The following GPHN variants were observed in gnomAD, a reference collection of about 807,000 sequenced individuals.
GPHN encodes the protein gephyrin.
A neutral mutation model predicts 95.5 loss-of-function variants in GPHN; 17 were observed. The ratio of observed to expected loss-of-function variants is 0.18; its 90% CI spans 0.12 to 0.27. The LOEUF is 0.27. GPHN is among the 10% of genes least tolerant of loss of function. GPHN has a pLI of 1.00. For missense variants in GPHN, 660 were observed against 978.1 expected (o/e 0.67, Z 4.34); for synonymous variants, 320 against 322.5 (o/e 0.99, Z 0.08).
intron 11 of GPHN, among the ~76,000 whole-genome samples, chr14:67,062,219 G>A (rs548788393): frequency 5.3e-5 from 8 of 152,222 alleles, no homozygotes; most frequent in South Asian, 4.2e-4. Context: ...GTGTATTTGC[G>A]TTTTAATGAG....
chr14:67,687,748 A>C, the GPHN span, among the ~76,000 whole-genome samples: 4 of 146,512 alleles, frequency 2.7e-5, no homozygotes, highest in Non-Finnish European at 6.0e-5. Flanking sequence ...TGGGATTACA[A>C]GCATGAGCCA....
At chr14:67,424,143 G>A in the GPHN span, among the ~76,000 whole-genome samples, 2 of 152,126 alleles carry the variant, frequency 1.3e-5, no homozygotes, top group Non-Finnish European at 2.9e-5. Context: ...AGGAGGCTGA[G>A]GCAGGAGAAT....
chr14:66,798,814 A>G (rs922877761), intron 3 of GPHN, among the ~76,000 whole-genome samples: 2 of 146,220 alleles, frequency 1.4e-5, no homozygotes, highest in African/African-American at 5.0e-5. Context: ...TTCCAATTTG[A>G]TTTCTTTCTC....
chr14:66,612,190 T>C (rs2062812477), intron 1 of GPHN, among the ~76,000 whole-genome samples: 1 of 152,070 alleles, frequency 6.6e-6, no homozygotes, highest in Middle Eastern at 3.2e-3. Context: ...GACTTTTCCA[T>C]GAAGGCCTTC....
chr14:67,462,134 G>T, the GPHN span, among the ~76,000 whole-genome samples: 1 of 152,204 alleles, frequency 6.6e-6, no homozygotes, highest in Non-Finnish European at 1.5e-5. Context: ...GTAGGGGTTA[G>T]ATGAGAGATA....
At chr14:67,079,252 CAT>C (rs1251897245) in intron 11 of GPHN, among the ~76,000 whole-genome samples, 1 of 152,024 alleles carries the variant, frequency 6.6e-6, no homozygotes, top group Non-Finnish European at 1.5e-5. Flanking sequence ...TATATTCAGA[CAT>C]GTGTAGCCAT....
chr14:67,592,812 G>C, the GPHN span: 29 of 808,580 alleles, frequency 3.6e-5, 1 homozygote, highest in South Asian at 4.5e-4. Context: ...TTGAGACAGA[G>C]TCTCTCTCTG....
chr14:67,468,906 TAATAA>T, the GPHN span, among the ~76,000 whole-genome samples: 1 of 151,152 alleles, frequency 6.6e-6, no homozygotes, highest in African/African-American at 2.4e-5. Flanking sequence ...AAAATAATAA[TAATAA>T]TTTTTTTTAA....
At chr14:67,686,142 A>G in the GPHN span, 1 of 152,160 alleles carries the variant, frequency 6.6e-6, no homozygotes, top group Non-Finnish European at 1.5e-5. Flanking sequence ...AGTCAACACA[A>G]TGTGGTGGTT....
chr14:66,748,333 G>A (rs2058237288), intron 2 of GPHN, among the ~76,000 whole-genome samples: 1 of 151,902 alleles, frequency 6.6e-6, no homozygotes, highest in Non-Finnish European at 1.5e-5. Context: ...ATGTTTGTTG[G>A]AATTCACAGC....
chr14:66,693,156 A>G (rs2067890016), intron 2 of GPHN, among the ~76,000 whole-genome samples: 1 of 152,106 alleles, frequency 6.6e-6, no homozygotes, highest in Admixed American at 6.5e-5. Flanking sequence ...AATCTCTATA[A>G]TCTCTGGCTT....
chr14:67,155,109 T>A (rs1305840961), intron 18 of GPHN, among the ~76,000 whole-genome samples: 1 of 152,006 alleles, frequency 6.6e-6, no homozygotes, highest in Non-Finnish European at 1.5e-5. Flanking sequence ...TTTTCATGAG[T>A]CTTATGAGTT....
chr14:66,774,085 C>T (rs2059288552), intron 2 of GPHN, among the ~76,000 whole-genome samples: 2 of 144,470 alleles, frequency 1.4e-5, no homozygotes, highest in Admixed American at 1.4e-4. Context: ...CTCACTGCAA[C>T]TCCGCCTCCC....
chr14:66,685,544 G>A (rs1402778465), intron 2 of GPHN, among the ~76,000 whole-genome samples: 1 of 152,184 alleles, frequency 6.6e-6, no homozygotes, highest in African/African-American at 2.4e-5. Flanking sequence ...CTGCATAAAT[G>A]TCTTCTTCTG....
chr14:67,323,232 CGTGT>C, the GPHN span, among the ~76,000 whole-genome samples: 67,620 of 143,366 alleles, frequency 0.47, 18,658 homozygotes, highest in Non-Finnish European at 0.62. Context: ...CATATATACA[CGTGT>C]GTGTGTGTGT....
At chr14:67,524,646 G>A in the GPHN span, among the ~76,000 whole-genome samples, 2 of 152,184 alleles carry the variant, frequency 1.3e-5, no homozygotes, top group Non-Finnish European at 2.9e-5. Flanking sequence ...GCTTGAATTA[G>A]AAGTAGGGAC....
At chr14:67,452,376 TG>T in the GPHN span, among the ~76,000 whole-genome samples, 1 of 152,098 alleles carries the variant, frequency 6.6e-6, no homozygotes, top group Non-Finnish European at 1.5e-5. Flanking sequence ...GGTTTTTTTT[TG>T]CTTGTCACCA....
the GPHN span, among the ~76,000 whole-genome samples, chr14:67,612,140 C>T: frequency 6.6e-6 from 1 of 152,164 alleles, no homozygotes; most frequent in Non-Finnish European, 1.5e-5. Context: ...GGTGAAGCTT[C>T]ACTCGCTTGC....
At chr14:67,657,097 C>T in the GPHN span, 319 of 152,428 alleles carry the variant, frequency 2.1e-3, 2 homozygotes, top group Admixed American at 5.1e-3. Flanking sequence ...TTCTGTTCTT[C>T]GTTTTAAGCC....
Sources: gnomAD v4.1 joint callset for allele counts (sites outside exome capture counted in the v4.1 genomes callset) on GRCh38, gnomAD v4.1.1 for gene constraint, MANE v1.5 for transcripts, NCBI Gene and HGNC (gene_info 2026-07-23, HGNC 2026-07-21) for gene names.